Variants in RAPGEF4 observed in about 807,000 individuals in gnomAD.
RAPGEF4 encodes the protein RAP guanine-nucleotide-exchange factor (GEF) 4.
A neutral mutation model predicts 147.9 loss-of-function variants in RAPGEF4; 66 were observed. The ratio of observed to expected loss-of-function variants is 0.45; its 90% CI spans 0.37 to 0.55. RAPGEF4 has a LOEUF of 0.55. Among genes scored for constraint, RAPGEF4 ranks in the 20% least tolerant of loss-of-function variants. The pLI, the probability that RAPGEF4 is intolerant of heterozygous loss-of-function variation, is 0.00. For synonymous variants in RAPGEF4, 419 were observed against 442.7 expected (o/e 0.95, Z 0.67); for missense variants, 1,071 against 1,257.3 (o/e 0.85, Z 2.24).
intron 10 of RAPGEF4, among the ~76,000 whole-genome samples, chr2:172,972,639 A>G (rs1038516958): frequency 1.3e-5 from 2 of 152,178 alleles, no homozygotes; most frequent in Non-Finnish European, 2.9e-5. Context: ...GCCTCTCCCC[A>G]TGAAAGCAAT....
intron 1 of RAPGEF4, among the ~76,000 whole-genome samples, chr2:172,768,663 A>G (rs1162483661): frequency 6.6e-6 from 1 of 152,212 alleles, no homozygotes; most frequent in Non-Finnish European, 1.5e-5. Context: ...TTTCTGCACC[A>G]TGGTGCTGAT....
intron 4 of RAPGEF4, among the ~76,000 whole-genome samples, chr2:172,853,721 A>G (rs1693113436): frequency 6.6e-6 from 1 of 151,840 alleles, no homozygotes; most frequent in Admixed American, 6.6e-5. Context: ...ACAAATTTTG[A>G]TATGTTACAT....
chr2:172,803,943 C>T (rs1395633301), intron 3 of RAPGEF4, among the ~76,000 whole-genome samples: 1 of 152,174 alleles, frequency 6.6e-6, no homozygotes, highest in African/African-American at 2.4e-5. Flanking sequence ...ACAAGTTCCT[C>T]ATCTCCATCT....
Position 173,042,843 on chromosome 2 carries a change from G to C in RAPGEF4, c.2854-5757G>C, listed in dbSNP as rs933986011. Among the ~76,000 whole-genome samples the C allele has an allele frequency of 6.6e-6, 1 of 152,130 alleles. No individual in the cohort carries two copies. Among genetic ancestry groups the C allele is most frequent in the Non-Finnish European group, 1.5e-5 (1 of 68,036 alleles). ...ACGTGCCTGGAAAGGCACCTGAACT[G>C]TCTTCTCCCATGGTCATCATATATA... On this transcript the variant is annotated intron_variant, in intron 29 of 30. Transcript: ENST00000397081. The surrounding 1 kb of genome is among the most constrained non-coding windows in gnomAD (Gnocchi z 4.2).
At chr2:172,746,345 G>T (rs1694764068) in intron 1 of RAPGEF4, among the ~76,000 whole-genome samples, 1 of 152,124 alleles carries the variant, frequency 6.6e-6, no homozygotes, top group African/African-American at 2.4e-5. Context: ...TGAGGATGTG[G>T]GGGCACGGGT....
At chr2:172,846,086 C>G (rs1410215470) in intron 4 of RAPGEF4, among the ~76,000 whole-genome samples, 1 of 152,200 alleles carries the variant, frequency 6.6e-6, no homozygotes, top group East Asian at 1.9e-4. Flanking sequence ...TTTAAACCAC[C>G]TTATTGAGGT....
At chr2:172,876,609 A>C (rs373820811) in intron 4 of RAPGEF4, among the ~76,000 whole-genome samples, 2 of 152,146 alleles carry the variant, frequency 1.3e-5, no homozygotes, top group African/African-American at 4.8e-5. Context: ...CCACTTGATC[A>C]TGGTGGATAA....
intron 6 of RAPGEF4, among the ~76,000 whole-genome samples, chr2:172,956,872 T>C (rs1481013020): frequency 4.6e-5 from 7 of 152,242 alleles, no homozygotes; most frequent in African/African-American, 1.7e-4. Flanking sequence ...TGGAAATTCA[T>C]CAGATCAAGT....
At chr2:172,908,467 C>T (rs886325933) in intron 4 of RAPGEF4, among the ~76,000 whole-genome samples, 46 of 152,218 alleles carry the variant, frequency 3.0e-4, no homozygotes, top group Non-Finnish European at 5.0e-4. Context: ...AAAACTGTCA[C>T]TTGGCCAAAC....
At chr2:172,863,177 ATG>A (rs937778122) in intron 4 of RAPGEF4, among the ~76,000 whole-genome samples, 8 of 152,164 alleles carry the variant, frequency 5.3e-5, no homozygotes, top group African/African-American at 1.7e-4. Flanking sequence ...GCAAAGTCTA[ATG>A]TGTGTGTGTG....
intron 17 of RAPGEF4, among the ~76,000 whole-genome samples, chr2:173,005,485 G>A (rs921373080): frequency 6.9e-6 from 1 of 143,998 alleles, no homozygotes; most frequent in African/African-American, 2.6e-5. Context: ...AAAAAGTCTG[G>A]TATATTATTT....
intron 4 of RAPGEF4, among the ~76,000 whole-genome samples, chr2:172,871,315 A>G (rs561480586): frequency 2.7e-4 from 41 of 152,270 alleles, no homozygotes; most frequent in Admixed American, 5.2e-4. Flanking sequence ...CCCTTGGCAG[A>G]GTGTTTTGAT....
At chr2:172,912,310 A>G (rs1049221639) in intron 4 of RAPGEF4, among the ~76,000 whole-genome samples, 2 of 152,246 alleles carry the variant, frequency 1.3e-5, no homozygotes, top group South Asian at 2.1e-4. Flanking sequence ...AGACAAAACC[A>G]TACCCATGTG....
chr2:172,885,664 A>C (rs1697125041), intron 4 of RAPGEF4, among the ~76,000 whole-genome samples: 1 of 152,126 alleles, frequency 6.6e-6, no homozygotes, highest in African/African-American at 2.4e-5. Flanking sequence ...AGACTTATTC[A>C]CCACCACGAG....
chr2:172,829,315 G>C (rs2149663045), intron 4 of RAPGEF4, among the ~76,000 whole-genome samples: 1 of 152,304 alleles, frequency 6.6e-6, no homozygotes, highest in South Asian at 2.1e-4. Flanking sequence ...TTCTTGAGTA[G>C]CAGAAAGCCT....
chr2:172,782,417 G>A (rs1266472371), intron 1 of RAPGEF4, among the ~76,000 whole-genome samples: 1 of 152,114 alleles, frequency 6.6e-6, no homozygotes, highest in African/African-American at 2.4e-5. Flanking sequence ...TCTTCGAAGG[G>A]TCTCCCTCTA....
intron 1 of RAPGEF4, among the ~76,000 whole-genome samples, chr2:172,791,435 A>T (rs181236005): frequency 1.7e-3 from 264 of 152,352 alleles, no homozygotes; most frequent in African/African-American, 6.1e-3. Context: ...CATGAACTCT[A>T]GAGAGGTGAG....
chr2:172,764,916 A>G (rs571892262), intron 1 of RAPGEF4, among the ~76,000 whole-genome samples: 42 of 152,234 alleles, frequency 2.8e-4, no homozygotes, highest in Non-Finnish European at 3.8e-4. Context: ...CTATGGGACC[A>G]TGTATTAGTT....
At chr2:173,009,942 A>G (rs1351276421) in intron 17 of RAPGEF4, among the ~76,000 whole-genome samples, 1 of 152,240 alleles carries the variant, frequency 6.6e-6, no homozygotes, top group Non-Finnish European at 1.5e-5. Context: ...ACTCTGCTGT[A>G]TAATCTATGT....
Sources: gnomAD v4.1 joint callset for allele counts (sites outside exome capture counted in the v4.1 genomes callset) on GRCh38, gnomAD v4.1.1 for gene constraint, Gnocchi (gnomAD v3.1) non-coding constraint, MANE v1.5 for transcripts, NCBI Gene and HGNC (gene_info 2026-07-23, HGNC 2026-07-21) for gene names.